The following UGT2B7 variants were observed in gnomAD, a reference collection of about 807,000 sequenced individuals.
The protein encoded by UGT2B7 is UDP-glucuronosyltransferase 2B7.
Under a neutral mutation model 51.9 loss-of-function variants are expected in UGT2B7, and 51 were observed. The observed-to-expected ratio is 0.98, with a 90% CI of 0.78 to 1.24. UGT2B7 has a LOEUF of 1.24. Among genes scored for constraint, UGT2B7 ranks in the 50% most tolerant of loss-of-function variants. UGT2B7 has a pLI of 0.00. For missense variants in UGT2B7, 727 were observed against 628.4 expected (o/e 1.16, Z -1.68); for synonymous variants, 225 against 211.6 (o/e 1.06, Z -0.55).
Position 69,107,171 on chromosome 4 carries a change from A to G in UGT2B7, c.1003-4A>G. On this transcript the variant is annotated splice_region_variant and splice_polypyrimidine_tract_variant and intron_variant, in intron 3 of 5. Transcript: ENST00000305231. The stretch of plus-strand genomic sequence containing the variant: ...GGAATAAAATATTTTCTTTATTGTA[A>G]CAGGTTCTGTGGAGATTTGATGGGA... The G allele has an allele frequency of 1.2e-6, 2 of 1,606,592 alleles. No individual in the cohort carries two copies. The highest frequency in any genetic ancestry group is 1.7e-6 in the Non-Finnish European group (2 of 1,176,008).
intron 1 of UGT2B7, among the ~76,000 whole-genome samples, chr4:69,063,142 AC>A (rs1718388871): frequency 6.6e-6 from 1 of 150,834 alleles, no homozygotes; most frequent in South Asian, 2.1e-4. Flanking sequence ...AAACGGTGAA[AC>A]CCCGTCTCTA....
At position 69,096,982 on chromosome 4, in the gene UGT2B7, T is replaced by C. The variant is rs1232470110; in HGVS notation, c.462T>C (p.Phe154=). ...ACGTCATTTTTGCAGATGCTATTTTTCCCTGTAGTGAGCTGCTGGCTGAGC... is the reference window on the plus strand; with the variant it reads ...ACGTCATTTTTGCAGATGCTATTTTCCCCTGTAGTGAGCTGCTGGCTGAGC... ...RFDVIFADAI[F]PCSELLAELF... The change falls in exon 1 of 6, where the codon TTT becomes TTC. Residue 154 remains phenylalanine, a synonymous_variant. Transcript: ENST00000305231. The C allele has an allele frequency of 6.2e-6, 10 of 1,613,676 alleles. No individual in the cohort carries two copies. Among genetic ancestry groups the C allele is most frequent in the African/African-American group, 1.3e-5 (1 of 74,898 alleles).
intron 1 of UGT2B7, among the ~76,000 whole-genome samples, chr4:69,051,958 T>C (rs999429732): frequency 1.3e-5 from 2 of 152,096 alleles, no homozygotes; most frequent in African/African-American, 4.8e-5. Context: ...TGTTTTGTGG[T>C]GTGTGTGTGG....
chr4:69,062,666 G>A (rs188753935), intron 1 of UGT2B7, among the ~76,000 whole-genome samples: 18 of 152,260 alleles, frequency 1.2e-4, no homozygotes, highest in Admixed American at 4.6e-4. Flanking sequence ...AGACCACATT[G>A]CCAGTGGAGA....
chr4:69,077,124 T>C (rs1040658811), intron 1 of UGT2B7, among the ~76,000 whole-genome samples: 1 of 152,188 alleles, frequency 6.6e-6, no homozygotes, highest in African/African-American at 2.4e-5. Flanking sequence ...GTCTCTGTTC[T>C]GTTCCATTGG....
chr4:69,072,115 G>A (rs1718615225), intron 1 of UGT2B7, among the ~76,000 whole-genome samples: 1 of 152,008 alleles, frequency 6.6e-6, no homozygotes. Flanking sequence ...ATATAGTTAG[G>A]AAAGTATGTG....
At position 69,099,724 on chromosome 4, in the gene UGT2B7, A is replaced by G. The variant is rs533174980; in HGVS notation, c.870+1036A>G. On this transcript the variant is annotated intron_variant, in intron 2 of 5. Coordinates refer to ENST00000305231, the MANE Select transcript of UGT2B7 (RefSeq NM_001074.4). Reference sequence around the variant, plus strand: ...AGTCAGTGACTCAGAAATATTATTAATTTTGCAATTATGGCTATTTTGTTA... The same window carrying G: ...AGTCAGTGACTCAGAAATATTATTAGTTTTGCAATTATGGCTATTTTGTTA... Among the ~76,000 whole-genome samples, 37 of 152,188 alleles carry G rather than the reference A, an allele frequency of 2.4e-4. 1 individual carries two copies. The highest frequency in any genetic ancestry group is 8.4e-4 in the African/African-American group (35 of 41,566).
intron 1 of UGT2B7, chr4:69,066,358 C>G (rs1166807510): frequency 6.6e-6 from 1 of 151,980 alleles, no homozygotes; most frequent in Non-Finnish European, 1.5e-5. Flanking sequence ...CTCTATGTGT[C>G]CACGTGTTCT....
rs1486146090 is a variant in UGT2B7, at chr4:69,108,293, T to G, written c.1281T>G (p.Asn427Lys). 17 of 1,613,556 alleles carry G rather than the reference T, an allele frequency of 1.1e-5. No homozygotes were observed. Among genetic ancestry groups the G allele is most frequent in the Non-Finnish European group, 1.4e-5 (17 of 1,179,564 alleles). The change falls in exon 5 of 6, where the codon AAT (asparagine) becomes AAG (lysine). Residue 427 changes from asparagine (N) to lysine (K), a missense_variant. Transcript: ENST00000305231. Reference protein sequence around the residue: ...FNTMSSTDLLNALKRVINDPS... With the variant: ...FNTMSSTDLLKALKRVINDPS... Reference sequence around the variant, plus strand: ...CAATGTCGAGTACAGACTTGCTGAATGCATTGAAGAGAGTAATTAATGATC... The same window carrying G: ...CAATGTCGAGTACAGACTTGCTGAAGGCATTGAAGAGAGTAATTAATGATC...
Position 69,102,953 on chromosome 4 carries a change from C to T in UGT2B7, c.1002+15C>T. The T allele has an allele frequency of 6.2e-7, 1 of 1,607,094 alleles. No homozygotes were observed. The highest frequency in any genetic ancestry group is 1.1e-5 in the South Asian group (1 of 89,874). On this transcript the variant is annotated intron_variant, in intron 3 of 5. Transcript: ENST00000305231. Reference sequence around the variant, plus strand: ...TCCCACAAAAGGTAAGATGAAGTGCCTTACTGGTGTGGAAAACTACTGAAA... The same window carrying T: ...TCCCACAAAAGGTAAGATGAAGTGCTTTACTGGTGTGGAAAACTACTGAAA...
intron 1 of UGT2B7, among the ~76,000 whole-genome samples, chr4:69,078,863 G>A (rs951388886): frequency 5.3e-5 from 8 of 152,054 alleles, no homozygotes; most frequent in South Asian, 2.1e-4. Flanking sequence ...AGTCTGCACC[G>A]CCTGGTGACA....
intron 3 of UGT2B7, among the ~76,000 whole-genome samples, chr4:69,105,858 C>T (rs10050146): frequency 0.033 from 5,058 of 152,104 alleles, 117 homozygotes; most frequent in Middle Eastern, 0.11. Context: ...GGACAACAGG[C>T]TCTAATATAA....
At chr4:69,111,580 G>T (rs1719775664) in intron 5 of UGT2B7, among the ~76,000 whole-genome samples, 1 of 152,074 alleles carries the variant, frequency 6.6e-6, no homozygotes, top group Non-Finnish European at 1.5e-5. Context: ...TAATTAGATT[G>T]TTCATAATAC....
intron 1 of UGT2B7, among the ~76,000 whole-genome samples, chr4:69,064,142 CAA>C (rs1718437500): frequency 6.9e-6 from 1 of 145,320 alleles, no homozygotes; most frequent in African/African-American, 2.6e-5. Flanking sequence ...GAAAGAAAAA[CAA>C]AATTAAAAAG....
At chr4:69,062,197 T>G (rs1295530691) in intron 1 of UGT2B7, among the ~76,000 whole-genome samples, 1 of 152,196 alleles carries the variant, frequency 6.6e-6, no homozygotes, top group Non-Finnish European at 1.5e-5. Flanking sequence ...GACCAGGTCT[T>G]GCCCATGGTC....
chr4:69,089,440 T>C (rs1338681446), intron 1 of UGT2B7: 2 of 152,218 alleles, frequency 1.3e-5, no homozygotes, highest in Non-Finnish European at 2.9e-5. Context: ...TGATATTGCA[T>C]CTTTATGATG....
intron 1 of UGT2B7, among the ~76,000 whole-genome samples, chr4:69,063,325 A>AAAAACAAG (rs1718399408): frequency 1.6e-5 from 2 of 126,514 alleles, no homozygotes; most frequent in East Asian, 2.4e-4. Context: ...TCTCAAAAAA[A>AAAAACAAG]AAAAAAAAAA....
chr4:69,109,967 TTG>T (rs1034113117), intron 5 of UGT2B7, among the ~76,000 whole-genome samples: 5 of 151,880 alleles, frequency 3.3e-5, no homozygotes, highest in Middle Eastern at 3.4e-3. Context: ...ACAAACCAGC[TTG>T]GACAAATAGA....
chr4:69,081,451 T>A (rs972034971), intron 1 of UGT2B7, among the ~76,000 whole-genome samples: 4 of 152,152 alleles, frequency 2.6e-5, no homozygotes, highest in Non-Finnish European at 5.9e-5. Context: ...AAAAATGACC[T>A]TTTGACTGGC....
Sources: allele counts gnomAD v4.1 joint callset (sites outside exome capture counted in the v4.1 genomes callset), GRCh38; gene constraint gnomAD v4.1.1; transcripts MANE v1.5; gene names NCBI Gene and HGNC (gene_info 2026-07-23, HGNC 2026-07-21).